Variants in P3H1 observed in about 807,000 individuals in gnomAD.
P3H1 encodes growth suppressor 1.
Under a neutral mutation model 84.0 loss-of-function variants are expected in P3H1, and 69 were observed. The observed-to-expected ratio is 0.82, with a 90% CI of 0.68 to 1.00. P3H1 has a LOEUF of 1.00. Ranked by LOEUF, P3H1 falls within the 50% of genes least tolerant of loss-of-function variation. The pLI, the probability that P3H1 is intolerant of heterozygous loss-of-function variation, is 0.00. For synonymous variants in P3H1, 366 were observed against 388.8 expected (o/e 0.94, Z 0.69); for missense variants, 878 against 962.8 (o/e 0.91, Z 1.17).
chr1:42,749,318 TGTGCCAC>T (rs1197688409), intron 11 of P3H1, among the ~76,000 whole-genome samples: 1 of 152,210 alleles, frequency 6.6e-6, no homozygotes, highest in Non-Finnish European at 1.5e-5. Context: ...CCCTCTGATC[TGTGCCAC>T]GTACCAATGG....
At chr1:42,748,907 C>T (rs1426423368) in intron 11 of P3H1, among the ~76,000 whole-genome samples, 7 of 152,222 alleles carry the variant, frequency 4.6e-5, no homozygotes, top group African/African-American at 1.4e-4. Flanking sequence ...ATGTAGGCAC[C>T]GTCACGTCGT....
intron 10 of P3H1, 126 bp downstream of exon 10, chr1:42,752,148 C>T: frequency 1.2e-6 from 1 of 808,394 alleles, no homozygotes; most frequent in Non-Finnish European, 2.2e-6. Flanking sequence ...TTCCTGGCAA[C>T]AAGAATGTTG....
chr1:42,758,012 C>T (rs1472714202), intron 4 of P3H1, 90 bp from the exon 5 acceptor site: 4 of 1,237,668 alleles, frequency 3.2e-6, no homozygotes, highest in East Asian at 4.6e-5. Flanking sequence ...TGTTCAGTCT[C>T]CACAAAGCTT....
intron 3 of P3H1, 85 bp downstream of exon 3, chr1:42,759,116 T>TGAA (rs1476120910): frequency 6.4e-7 from 1 of 1,567,376 alleles, no homozygotes; most frequent in African/African-American, 1.4e-5. Context: ...GGAATGAGGG[T>TGAA]GAAGAGTCCC....
chr1:42,753,315 T>C (rs1186266495), intron 8 of P3H1, among the ~76,000 whole-genome samples: 1 of 152,234 alleles, frequency 6.6e-6, no homozygotes, highest in Admixed American at 6.5e-5. Flanking sequence ...CAAATTCTTT[T>C]CATACGCTAA....
At chr1:42,750,730 G>T (rs1189489474) in intron 10 of P3H1, among the ~76,000 whole-genome samples, 5 of 144,020 alleles carry the variant, frequency 3.5e-5, no homozygotes, top group Non-Finnish European at 7.6e-5. Context: ...CGCCCTGTCC[G>T]GGAGGTGAGG....
rs752675971 is a variant in P3H1, at chr1:42,766,540, G to A, written c.432C>T (p.Ser144=). 1 of 1,612,122 alleles carries A rather than the reference G, an allele frequency of 6.2e-7. No homozygotes were observed. Among genetic ancestry groups the A allele is most frequent in the South Asian group, 1.1e-5 (1 of 90,826 alleles). Residue 144 remains serine, a synonymous_variant, in exon 1 of 15, where the codon AGC becomes AGT. Coordinates refer to ENST00000296388, the MANE Select transcript of P3H1 (RefSeq NM_022356.4). ...AGGCGACCTGCAGGTAGTTGTAGGG[G>A]CTCCGCTTGCGGAACTCCAGCTCCA... ...EEMELEFRKR[S]PYNYLQVAYF...
In P3H1 at chr1:42,754,950, C is replaced by T; in HGVS notation, c.1264G>A (p.Gly422Arg). 1 of 1,614,214 alleles carries T rather than the reference C, an allele frequency of 6.2e-7. No individual in the cohort carries two copies. The highest frequency in any genetic ancestry group is 1.3e-5 in the African/African-American group (1 of 75,060). ...GTCTCGATTTCCTTCATAAGGTTCC[C>T]AATCTCCTGGGAGATGCGTACGGCT... ...ETAVRISQEI[G>R]NLMKEIETLV... The change falls in exon 8 of 15, where the codon GGG becomes AGG. Residue 422 changes from glycine (G) to arginine (R), a missense_variant. Gly to Arg is a moderately radical substitution (Grantham distance 125). Transcript: ENST00000296388. The surrounding 1 kb of genome is among the most constrained non-coding windows in gnomAD (Gnocchi z 4.0).
At chr1:42,764,014 C>T (rs893546918) in intron 1 of P3H1, among the ~76,000 whole-genome samples, 5 of 152,064 alleles carry the variant, frequency 3.3e-5, no homozygotes, top group Admixed American at 3.3e-4. Flanking sequence ...CCTGTAATCC[C>T]AGCTACTCAG....
chr1:42,759,218 A>C lies in P3H1; in HGVS notation c.791T>G (p.Leu264Arg). The stretch of plus-strand genomic sequence containing the variant: ...GCACGCACCTGTGATGGCCTGGAAG[A>C]GGTCAGCGTTGTACTCAAGGTAGTT... Reference protein sequence around the residue: ...GYNYLEYNADLFQAITDHYIQ... With the variant: ...GYNYLEYNADRFQAITDHYIQ... Residue 264 changes from leucine to arginine, a missense_variant, in exon 3 of 15, where the codon CTC becomes CGC. Physicochemically the swap from Leu to Arg is moderately radical, Grantham distance 102. Coordinates refer to ENST00000296388, the MANE Select transcript of P3H1 (RefSeq NM_022356.4). The C allele has an allele frequency of 6.2e-7, 1 of 1,614,172 alleles. No individual in the cohort carries two copies. Among genetic ancestry groups the C allele is most frequent in the Non-Finnish European group, 8.5e-7 (1 of 1,180,032 alleles).
rs1652490389 is a variant in P3H1 at position 42,757,867 on chromosome 1, G to A, written c.996C>T (p.Pro332=). The A allele has an allele frequency of 6.2e-7, 1 of 1,614,168 alleles. No homozygotes were observed. Among genetic ancestry groups the A allele is most frequent in the Non-Finnish European group, 8.5e-7 (1 of 1,180,016 alleles). ...AATTTTGGTTCATCACCTCGTCATT[G>A]GGGAAGAAGAGAAGATAGGTCTTGG... The part of the protein sequence containing the change: ...ECAKTYLLFF[P]NDEVMNQNLA... The change falls in exon 5 of 15, where the codon CCC becomes CCT. Residue 332 remains proline, a synonymous_variant. Transcript: ENST00000296388.
At position 42,752,557 on chromosome 1, in the gene P3H1, C is replaced by G; in HGVS notation, c.1453G>C (p.Glu485Gln). 6.2e-7 allele frequency: 1 copy of G among 1,614,158 alleles called. No homozygotes were observed. ...DGVISDHECQELQRLTNVAAT... is the reference protein window; with the variant it reads ...DGVISDHECQQLQRLTNVAAT... ...CTTACATTGGTCAGTCTCTGCAGCTCCTGACACTCGTGGTCAGAGATTACG... is the reference window on the plus strand; with the variant it reads ...CTTACATTGGTCAGTCTCTGCAGCTGCTGACACTCGTGGTCAGAGATTACG... The change falls in exon 9 of 15, where the codon GAG becomes CAG. Residue 485 changes from glutamate (E) to glutamine (Q), a missense_variant. Coordinates refer to ENST00000296388, the MANE Select transcript of P3H1 (RefSeq NM_022356.4).
At chr1:42,765,997 A>G (rs1652965860) in intron 1 of P3H1, among the ~76,000 whole-genome samples, 1 of 126,586 alleles carries the variant, frequency 7.9e-6, no homozygotes, top group Non-Finnish European at 1.7e-5. Context: ...CTGGCAGACT[A>G]GCCAGAGGGT....
Position 42,766,692 on chromosome 1 carries a change from T to A in P3H1, c.280A>T (p.Ser94Cys). Reference sequence around the variant, plus strand: ...GCGGCGCCCGAGGCCTGGGCCGGGCTGGGGGACCAGTCGGGGTCCAGCTCC... The same window carrying A: ...GCGGCGCCCGAGGCCTGGGCCGGGCAGGGGGACCAGTCGGGGTCCAGCTCC... ...PWELDPDWSP[S>C]PAQASGAAAL... Residue 94 changes from serine to cysteine, a missense_variant, in exon 1 of 15, where the codon AGC (serine) becomes TGC (cysteine). Transcript: ENST00000296388. 6.5e-7 allele frequency: 1 copy of A among 1,530,168 alleles called. No individual in the cohort carries two copies. Among genetic ancestry groups the A allele is most frequent in the South Asian group, 1.2e-5 (1 of 80,358 alleles). 94.8% of individuals were successfully genotyped at this position (1,530,168 alleles called of 1,614,324 possible). A position where few individuals can be genotyped will look rare whatever the true frequency, so the allele number is the denominator to read the frequency against.
At chr1:42,749,839 G>T in intron 11 of P3H1, 1 of 272,534 alleles carries the variant, frequency 3.7e-6, no homozygotes, top group Non-Finnish European at 7.2e-6. Flanking sequence ...GGCAGCGAGG[G>T]AGCTGCTCAG....
At chr1:42,759,601 T>G (rs991157247) in intron 2 of P3H1, among the ~76,000 whole-genome samples, 1 of 152,182 alleles carries the variant, frequency 6.6e-6, no homozygotes, top group Non-Finnish European at 1.5e-5. Flanking sequence ...TAGCTCTTTT[T>G]TTCTTTTTTT....
At chr1:42,762,567 C>A in intron 1 of P3H1, 92 bp from the exon 2 acceptor site, 1 of 1,409,836 alleles carries the variant, frequency 7.1e-7, no homozygotes, top group South Asian at 1.2e-5. Context: ...CAGGAAATCC[C>A]TGCCTCCCTG....
rs1393456190 is a variant in P3H1 at position 42,757,889 on chromosome 1, T to C, written c.974A>G (p.Lys325Arg). 4 of 1,614,140 alleles carry C rather than the reference T, an allele frequency of 2.5e-6. No individual in the cohort carries two copies. Residue 325 changes from lysine to arginine, a missense_variant, in exon 5 of 15, where the codon AAG (lysine) becomes AGG (arginine). Lys to Arg is a conservative substitution (Grantham distance 26). Transcript: ENST00000296388. Reference protein sequence around the residue: ...GNYTQAVECAKTYLLFFPNDE... With the variant: ...GNYTQAVECARTYLLFFPNDE... ...ATTGGGGAAGAAGAGAAGATAGGTC[T>C]TGGCACATTCAACAGCCTGTGTATA...
In P3H1 at chr1:42,757,931, T is replaced by C. The variant is rs1652495189; in HGVS notation, c.941-9A>G. 1 of 1,612,722 alleles carries C rather than the reference T, an allele frequency of 6.2e-7. No individual in the cohort carries two copies. Among genetic ancestry groups the C allele is most frequent in the African/African-American group, 1.3e-5 (1 of 74,848 alleles). On this transcript the variant is annotated splice_polypyrimidine_tract_variant and intron_variant, in intron 4 of 14. Coordinates refer to ENST00000296388, the MANE Select transcript of P3H1 (RefSeq NM_022356.4). Reference sequence around the variant, plus strand: ...CTGTGTATAATTCCCAACTGCAAAGTGGAAAGAAGAATGGCTGAGAGGAAA... The same window carrying C: ...CTGTGTATAATTCCCAACTGCAAAGCGGAAAGAAGAATGGCTGAGAGGAAA...
Sources: allele counts gnomAD v4.1 joint callset (sites outside exome capture counted in the v4.1 genomes callset), GRCh38; gene constraint gnomAD v4.1.1; non-coding constraint Gnocchi (gnomAD v3.1); transcripts MANE v1.5; gene names NCBI Gene and HGNC (gene_info 2026-07-23, HGNC 2026-07-21).